Variants in ZC3H7A observed in about 807,000 individuals in gnomAD.
ZC3H7A encodes zinc finger CCCH domain-containing protein 7A.
A neutral mutation model predicts 125.5 loss-of-function variants in ZC3H7A; 44 were observed. The ratio of observed to expected loss-of-function variants is 0.35; its 90% CI spans 0.28 to 0.45. ZC3H7A has a LOEUF of 0.45. Among genes scored for constraint, ZC3H7A ranks in the 20% least tolerant of loss-of-function variants. The probability of loss-of-function intolerance (pLI) is 1.00; values close to 1 mark genes in which losing one functional copy is unlikely to be tolerated. For missense variants in ZC3H7A, 977 were observed against 1,170.7 expected, an observed-to-expected ratio of 0.83 and a Z score of 2.41; for synonymous variants, 399 against 391.2, an observed-to-expected ratio of 1.02 and a Z score of -0.23.
chr16:11,776,932 A>G, intron 4 of ZC3H7A, 23 bp from the exon 5 acceptor site: 2 of 1,535,542 alleles, frequency 1.3e-6, no homozygotes, highest in Non-Finnish European at 1.7e-6. Flanking sequence ...ACCAAAGAAT[A>G]AAGTCAGCAA....
At position 11,756,361 on chromosome 16, in the gene ZC3H7A, A is replaced by G. The variant is rs1221087968; in HGVS notation, c.2438T>C (p.Met813Thr). The G allele has an allele frequency of 1.8e-5, 29 of 1,612,964 alleles. No individual in the cohort carries two copies. Among genetic ancestry groups the G allele is most frequent in the Middle Eastern group, 3.3e-4 (2 of 6,076 alleles). ...TYMKENGIQD[M>T]EQFYELWLKS... Reference sequence around the variant, plus strand: ...GAGCCATAGTTCGTAAAATTGCTCCATATCTTGTACTAAAGAAAAATGAAT... The same window carrying G: ...GAGCCATAGTTCGTAAAATTGCTCCGTATCTTGTACTAAAGAAAAATGAAT... Residue 813 changes from methionine (M) to threonine (T), a missense_variant, in exon 21 of 23, where the codon ATG (methionine) becomes ACG (threonine). Around this residue, in one of 3 missense-constraint regions of ZC3H7A, gnomAD observed 436 missense variants for 603.2 expected, o/e 0.72. Coordinates refer to ENST00000355758, the MANE Select transcript of ZC3H7A (RefSeq NM_014153.4).
chr16:11,779,494 T>C (rs2053138328), intron 3 of ZC3H7A, 131 bp from the exon 4 acceptor site: 2 of 772,530 alleles, frequency 2.6e-6, no homozygotes, highest in Middle Eastern at 3.9e-4. Context: ...TAAGAAATTG[T>C]GAGATGCAGC....
chr16:11,781,384 C>T, intron 3 of ZC3H7A, 41 bp downstream of exon 3: 2 of 1,587,114 alleles, frequency 1.3e-6, no homozygotes, highest in East Asian at 4.5e-5. Flanking sequence ...GTTCACAAGC[C>T]ACTTGCAGAG....
rs1488226144 is a variant in ZC3H7A at position 11,765,661 on chromosome 16, C to G, written c.1547G>C (p.Arg516Thr). The G allele has an allele frequency of 1.9e-6, 3 of 1,613,396 alleles. No individual in the cohort carries two copies. In the African/African-American group the frequency reaches 4.0e-5, roughly 22 times the overall value. ...CKDVAAEEEC[R>T]YSGHCTFAYC... ...AGCAAACGTGCAGTGGCCTGAATATCTACATTCCTCCTCAGCAGCAACATC... is the reference window on the plus strand; with the variant it reads ...AGCAAACGTGCAGTGGCCTGAATATGTACATTCCTCCTCAGCAGCAACATC... Residue 516 changes from arginine to threonine, a missense_variant, in exon 14 of 23, where the codon AGA (arginine) becomes ACA (threonine). Around this residue, in one of 3 missense-constraint regions of ZC3H7A, gnomAD observed 436 missense variants for 603.2 expected, o/e 0.72. Transcript: ENST00000355758. The surrounding 1 kb of genome is among the most constrained non-coding windows in gnomAD (Gnocchi z 4.8).
At chr16:11,754,670 T>A (rs2052609239) in intron 21 of ZC3H7A, among the ~76,000 whole-genome samples, 1 of 151,922 alleles carries the variant, frequency 6.6e-6, no homozygotes, top group Non-Finnish European at 1.5e-5. Context: ...GGCGGGCAGA[T>A]CACGCAAGGT....
At chr16:11,767,688 A>G in intron 12 of ZC3H7A, 110 bp from the exon 13 acceptor site, 1 of 1,133,188 alleles carries the variant, frequency 8.8e-7, no homozygotes, top group Non-Finnish European at 1.2e-6. Context: ...TTAAATTCCC[A>G]CAGAAATCCC....
At chr16:11,754,061 C>G (rs2052594700) in intron 21 of ZC3H7A, 2 of 151,734 alleles carry the variant, frequency 1.3e-5, no homozygotes, top group Admixed American at 1.3e-4. Context: ...GAGGCCGAGG[C>G]AGGAGGAGTG....
chr16:11,752,871 G>A, intron 21 of ZC3H7A, 39 bp from the exon 22 acceptor site: 2 of 1,592,386 alleles, frequency 1.3e-6, no homozygotes, highest in Non-Finnish European at 1.7e-6. Context: ...TTAGTCACCT[G>A]ATGTGAGATC....
chr16:11,755,399 A>G (rs2052625650), intron 21 of ZC3H7A, among the ~76,000 whole-genome samples: 1 of 152,170 alleles, frequency 6.6e-6, no homozygotes, highest in African/African-American at 2.4e-5. Flanking sequence ...GGTGGGCTCA[A>G]GATATTTGTT....
chr16:11,760,122 G>GAAAAAAAAAAAAAAAAAAAAAAAAAA (rs66812605), intron 19 of ZC3H7A, among the ~76,000 whole-genome samples: 2 of 82,532 alleles, frequency 2.4e-5, no homozygotes, highest in African/African-American at 5.4e-5. Context: ...AAGAAAAAAT[G>GAAAAAAAAAAAAAAAAAAAAAAAAAA]AAAAAAAAAA....
intron 1 of ZC3H7A, among the ~76,000 whole-genome samples, chr16:11,783,732 A>T (rs555040715): frequency 3.9e-5 from 6 of 152,252 alleles, no homozygotes; most frequent in East Asian, 1.9e-4. Flanking sequence ...CATTGCTGAA[A>T]TTTTTTAGTT....
chr16:11,782,694 C>G (rs980696334), intron 1 of ZC3H7A: 1 of 187,168 alleles, frequency 5.3e-6, no homozygotes, highest in East Asian at 1.4e-4. Flanking sequence ...CGGCTCACTG[C>G]AAACTTCACC....
intron 1 of ZC3H7A, among the ~76,000 whole-genome samples, chr16:11,789,057 A>G (rs2053307139): frequency 6.6e-6 from 1 of 152,172 alleles, no homozygotes; most frequent in African/African-American, 2.4e-5. Context: ...AGTGCTGCTT[A>G]AAACCCAGTG....
At chr16:11,780,767 C>T (rs1483936962) in intron 3 of ZC3H7A, among the ~76,000 whole-genome samples, 1 of 151,992 alleles carries the variant, frequency 6.6e-6, no homozygotes, top group East Asian at 1.9e-4. Context: ...TCAAAACCCT[C>T]AGAGGAAAAA....
intron 9 of ZC3H7A, among the ~76,000 whole-genome samples, chr16:11,772,038 C>A (rs1439262653): frequency 6.6e-6 from 1 of 151,640 alleles, no homozygotes; most frequent in Non-Finnish European, 1.5e-5. Context: ...ACTAAAAATA[C>A]ACAAAAAATT....
At chr16:11,781,710 T>A (rs2053176842) in intron 2 of ZC3H7A, among the ~76,000 whole-genome samples, 1 of 151,636 alleles carries the variant, frequency 6.6e-6, no homozygotes, top group Non-Finnish European at 1.5e-5. Context: ...AACACTTTAC[T>A]TTCAAACCTA....
At chr16:11,796,329 A>C (rs2053435600) in intron 1 of ZC3H7A, 1 of 152,228 alleles carries the variant, frequency 6.6e-6, no homozygotes, top group Non-Finnish European at 1.5e-5. Flanking sequence ...CCATCGTCCC[A>C]AACGGCGGGG....
chr16:11,795,987 C>A (rs1010310792), intron 1 of ZC3H7A, among the ~76,000 whole-genome samples: 4 of 151,996 alleles, frequency 2.6e-5, no homozygotes, highest in African/African-American at 9.7e-5. Context: ...TGCGCCACCA[C>A]GCCCAGTTAA....
At chr16:11,753,671 C>T (rs1316306108) in intron 21 of ZC3H7A, 1 of 152,144 alleles carries the variant, frequency 6.6e-6, no homozygotes, top group Non-Finnish European at 1.5e-5. Flanking sequence ...ATTTTTGAGA[C>T]AGAGTCTCAC....
Sources: gnomAD v4.1 joint callset for allele counts (sites outside exome capture counted in the v4.1 genomes callset) on GRCh38, gnomAD v4.1.1 for gene constraint, gnomAD v4.1.1 regional missense constraint, Gnocchi (gnomAD v3.1) non-coding constraint, MANE v1.5 for transcripts, NCBI Gene and HGNC (gene_info 2026-07-23, HGNC 2026-07-21) for gene names.